Variants in RHOBTB3 observed in about 807,000 individuals in gnomAD.
The protein encoded by RHOBTB3 is rho-related BTB domain-containing protein 3.
Under a neutral mutation model 67.2 loss-of-function variants are expected in RHOBTB3, and 47 were observed. That is an observed-to-expected ratio of 0.70 (90% confidence interval 0.55 to 0.89). The LOEUF is 0.89. Among genes scored for constraint, RHOBTB3 ranks in the 40% least tolerant of loss-of-function variants. RHOBTB3 has a pLI of 0.00. For missense variants in RHOBTB3, 631 were observed against 750.0 expected, an observed-to-expected ratio of 0.84 and a Z score of 1.85; for synonymous variants, 273 against 274.2, an observed-to-expected ratio of 1.00 and a Z score of 0.04.
At chr5:95,742,935 C>CT (rs1226842899) in intron 3 of RHOBTB3, among the ~76,000 whole-genome samples, 1 of 152,040 alleles carries the variant, frequency 6.6e-6, no homozygotes, top group East Asian at 1.9e-4. Context: ...GCCAGGCATG[C>CT]TGGCGGGCGC....
At chr5:95,787,262 G>T (rs887070884) in intron 10 of RHOBTB3, among the ~76,000 whole-genome samples, 4 of 152,020 alleles carry the variant, frequency 2.6e-5, no homozygotes, top group Non-Finnish European at 5.9e-5. Context: ...AAAGCTGAAG[G>T]TTCTTATTCT....
At chr5:95,731,277 G>A (rs1580389344), upstream of RHOBTB3, 1 of 1,018,054 alleles carries the variant, frequency 9.8e-7, no homozygotes, top group East Asian at 9.6e-5. Flanking sequence ...AGGGGGCGGA[G>A]GCCCCGATCT....
At chr5:95,770,132 A>C (rs1215239635) in intron 8 of RHOBTB3, 1 of 263,944 alleles carries the variant, frequency 3.8e-6, no homozygotes, top group Non-Finnish European at 7.8e-6. Flanking sequence ...TCAAGAAATC[A>C]TTGAGCAGTT....
chr5:95,768,070 A>T lies in RHOBTB3; in HGVS notation c.1186A>T (p.Thr396Ser), dbSNP rs1482388419. The part of the protein sequence containing the change: ...GKINCLRNCK[T>S]YQARKPLWFY... The stretch of plus-strand genomic sequence containing the variant: ...GATTAATTGCCTAAGGAATTGCAAA[A>T]CCTATCAAGCCAGAAAACCTTTGTG... The change falls in exon 8 of 12, where the codon ACC becomes TCC. Residue 396 changes from threonine (T) to serine (S), a missense_variant. By Grantham distance (58) the Thr-to-Ser change is moderately conservative. Transcript: ENST00000379982. The T allele has an allele frequency of 6.2e-7, 1 of 1,613,174 alleles. No homozygotes were observed. The highest frequency in any genetic ancestry group is 1.1e-5 in the South Asian group (1 of 90,840).
chr5:95,776,731 A>G (rs1042568583), intron 8 of RHOBTB3, among the ~76,000 whole-genome samples: 1 of 152,126 alleles, frequency 6.6e-6, no homozygotes, highest in East Asian at 1.9e-4. Flanking sequence ...TGGCTATGTT[A>G]CTTTACATTT....
intron 2 of RHOBTB3, 131 bp downstream of exon 2, chr5:95,732,215 T>C (rs1271346528): frequency 2.4e-6 from 2 of 818,638 alleles, no homozygotes; most frequent in Admixed American, 2.1e-5. Context: ...TTAAACATTT[T>C]TGAGAAAATC....
At chr5:95,748,821 G>A (rs1299012580) in intron 4 of RHOBTB3, among the ~76,000 whole-genome samples, 1 of 152,144 alleles carries the variant, frequency 6.6e-6, no homozygotes, top group Non-Finnish European at 1.5e-5. Flanking sequence ...GAATGAGCCT[G>A]GCAGCCTGAG....
chr5:95,741,502 C>CTT (rs5869688), intron 3 of RHOBTB3, among the ~76,000 whole-genome samples: 12 of 125,196 alleles, frequency 9.6e-5, no homozygotes, highest in Admixed American at 1.7e-4. Flanking sequence ...TCTCAATTCT[C>CTT]TTTTTTTTTT....
chr5:95,730,937 G>T, upstream of RHOBTB3: 1 of 465,904 alleles, frequency 2.1e-6, no homozygotes, highest in Non-Finnish European at 4.2e-6. Context: ...GGGGAAATCG[G>T]GTTGCTGGGG....
At chr5:95,782,652 CAA>C (rs907974323) in intron 9 of RHOBTB3, 1 of 151,312 alleles carries the variant, frequency 6.6e-6, no homozygotes, top group Admixed American at 6.6e-5. Context: ...ACAAAAAATA[CAA>C]AAAAAATTAG....
At chr5:95,775,982 C>G (rs1483291717) in intron 8 of RHOBTB3, among the ~76,000 whole-genome samples, 1 of 151,800 alleles carries the variant, frequency 6.6e-6, no homozygotes. Context: ...ATTTATGATG[C>G]AAAATACACA....
At chr5:95,761,169 A>G (rs777999147) in intron 6 of RHOBTB3, among the ~76,000 whole-genome samples, 92 of 152,190 alleles carry the variant, frequency 6.0e-4, no homozygotes, top group Non-Finnish European at 1.3e-3. Context: ...TTTTACTTAA[A>G]TAACAATGTA....
At chr5:95,767,249 A>AT (rs1217039996) in intron 7 of RHOBTB3, among the ~76,000 whole-genome samples, 5 of 152,170 alleles carry the variant, frequency 3.3e-5, no homozygotes, top group African/African-American at 1.2e-4. Context: ...ACTCTACGTT[A>AT]TTTTTTTAAC....
upstream of RHOBTB3, chr5:95,731,125 A>T (rs966133178): frequency 7.6e-6 from 8 of 1,047,370 alleles, no homozygotes; most frequent in Non-Finnish European, 9.3e-6. Context: ...TGTATTTATT[A>T]ATTTATATTC....
intron 2 of RHOBTB3, among the ~76,000 whole-genome samples, chr5:95,733,593 G>A (rs1306037710): frequency 2.0e-5 from 3 of 152,218 alleles, no homozygotes; most frequent in South Asian, 2.1e-4. Context: ...TCTATAGTAC[G>A]GATTTTTGCC....
intron 6 of RHOBTB3, among the ~76,000 whole-genome samples, chr5:95,758,226 C>T (rs986923077): frequency 2.6e-5 from 4 of 152,078 alleles, no homozygotes; most frequent in Non-Finnish European, 4.4e-5. Context: ...AAAATTAATA[C>T]AGGCAGATGG....
intron 1 of RHOBTB3, among the ~76,000 whole-genome samples, chr5:95,721,768 C>T (rs977298081): frequency 6.1e-5 from 9 of 146,662 alleles, no homozygotes; most frequent in African/African-American, 2.3e-4. Context: ...AGAGAGTAAT[C>T]AGCAGGAAAA....
At chr5:95,776,174 A>C (rs1745873407) in intron 8 of RHOBTB3, among the ~76,000 whole-genome samples, 1 of 152,186 alleles carries the variant, frequency 6.6e-6, no homozygotes. Flanking sequence ...TTGGAGGCCA[A>C]GTTGGGTGGA....
chr5:95,772,418 A>C (rs1459333555), intron 8 of RHOBTB3, among the ~76,000 whole-genome samples: 1 of 152,170 alleles, frequency 6.6e-6, no homozygotes, highest in African/African-American at 2.4e-5. Flanking sequence ...TTTGATACAA[A>C]TTAGGTACAG....
Sources: gnomAD v4.1 joint callset for allele counts (sites outside exome capture counted in the v4.1 genomes callset) on GRCh38, gnomAD v4.1.1 for gene constraint, MANE v1.5 for transcripts, NCBI Gene and HGNC (gene_info 2026-07-23, HGNC 2026-07-21) for gene names.